The following ASCC3 variants were observed in gnomAD, a reference collection of about 807,000 sequenced individuals.
ASCC3 encodes ASC-1 complex subunit P200.
ASCC3 carries 158 observed loss-of-function variants against 256.3 expected under a neutral mutation model. The ratio of observed to expected loss-of-function variants is 0.62; its 90% CI spans 0.54 to 0.70. The LOEUF (loss-of-function observed/expected upper bound fraction) is 0.70. Ranked by LOEUF, ASCC3 falls within the 30% of genes least tolerant of loss-of-function variation. The pLI is 0.00. For missense variants in ASCC3, 2,259 were observed against 2,626.0 expected (o/e 0.86, Z 3.05); for synonymous variants, 948 against 883.4 (o/e 1.07, Z -1.30).
intron 3 of ASCC3, chr6:100,858,557 C>T: frequency 5.1e-6 from 5 of 981,640 alleles, no homozygotes; most frequent in Non-Finnish European, 6.0e-6. Flanking sequence ...TTTTTCTCTA[C>T]TGAATCATGT....
At chr6:100,825,204 A>G (rs1771237926) in intron 4 of ASCC3, among the ~76,000 whole-genome samples, 1 of 151,966 alleles carries the variant, frequency 6.6e-6, no homozygotes, top group Non-Finnish European at 1.5e-5. Flanking sequence ...CATGTGGCCT[A>G]GGACAGTTTT....
chr6:100,509,938 G>C lies in ASCC3; in HGVS notation c.6455C>G (p.Pro2152Arg), dbSNP rs1033872459. Residue 2152 changes from proline to arginine, a missense_variant, in exon 41 of 42, where the codon CCT (proline) becomes CGT (arginine). Pro to Arg is a moderately radical substitution (Grantham distance 103). Coordinates refer to ENST00000369162, the MANE Select transcript of ASCC3 (RefSeq NM_006828.4). ...GTAGTAGGATTCTTCTTACCTTCCA[G>C]GTATTTCAGGGGTATAAAAAGAAAG... The part of the protein sequence containing the change: ...ASLSFYTPEI[P>R]GRYIYTLYFM... 1.2e-6 allele frequency: 2 copies of C among 1,612,816 alleles called. No homozygotes were observed. Among genetic ancestry groups the C allele is most frequent in the Admixed American group, 1.7e-5 (1 of 59,964 alleles).
intron 4 of ASCC3, among the ~76,000 whole-genome samples, chr6:100,832,933 T>C (rs1771691762): frequency 6.6e-6 from 1 of 151,712 alleles, no homozygotes; most frequent in Admixed American, 6.6e-5. Flanking sequence ...ATGAGAAAAG[T>C]GTTCACAAAT....
intron 13 of ASCC3, among the ~76,000 whole-genome samples, chr6:100,697,823 A>C (rs994936618): frequency 2.0e-5 from 3 of 152,136 alleles, no homozygotes; most frequent in Admixed American, 2.0e-4. Context: ...ATGAAAATTT[A>C]AATCTATCTT....
chr6:100,597,309 A>G (rs182773139), intron 34 of ASCC3, among the ~76,000 whole-genome samples: 201 of 152,332 alleles, frequency 1.3e-3, no homozygotes, highest in African/African-American at 4.7e-3. Flanking sequence ...TTACTAATAC[A>G]TCTTCAAAGT....
At chr6:100,607,592 G>GTTTC (rs1271683200) in intron 30 of ASCC3, among the ~76,000 whole-genome samples, 1 of 151,970 alleles carries the variant, frequency 6.6e-6, no homozygotes, top group East Asian at 1.9e-4. Flanking sequence ...CACTAAGCCT[G>GTTTC]TTTCTTTAAC....
At position 100,725,593 on chromosome 6, in the gene ASCC3, C is replaced by T. The variant is rs1387058242; in HGVS notation, c.1848G>A (p.Leu616=). ...RLLILDEVHL[L]HEDRGPVLES... ...CTAATACTGGTCCTCTATCTTCATG[C>T]AGCAAATGAACTTCATCAAGAATAA... The change falls in exon 11 of 42, where the codon CTG becomes CTA. Residue 616 remains leucine (L), a synonymous_variant. Coordinates refer to ENST00000369162, the MANE Select transcript of ASCC3 (RefSeq NM_006828.4). The T allele has an allele frequency of 6.2e-7, 1 of 1,612,822 alleles. No homozygotes were observed. Among genetic ancestry groups the T allele is most frequent in the Non-Finnish European group, 8.5e-7 (1 of 1,179,166 alleles).
At chr6:100,523,538 G>C (rs1774409760) in intron 37 of ASCC3, among the ~76,000 whole-genome samples, 1 of 152,136 alleles carries the variant, frequency 6.6e-6, no homozygotes, top group African/African-American at 2.4e-5. Context: ...CTCCTCTAGA[G>C]TTTAGAAAAT....
In ASCC3 at chr6:100,510,091, C is replaced by T; in HGVS notation, c.6302G>A (p.Cys2101Tyr). The T allele has an allele frequency of 6.2e-7, 1 of 1,614,152 alleles. No individual in the cohort carries two copies. The highest frequency in any genetic ancestry group is 8.5e-7 in the Non-Finnish European group (1 of 1,180,044). Residue 2101 changes from cysteine to tyrosine, a missense_variant, in exon 41 of 42, where the codon TGT (cysteine) becomes TAT (tyrosine). Physicochemically the swap from Cys to Tyr is radical, Grantham distance 194 (BLOSUM62 -2). This residue lies in a region of ASCC3 where 1,839 missense variants were observed against 2,206.7 expected (regional missense o/e 0.83). Transcript: ENST00000369162. The stretch of plus-strand genomic sequence containing the variant: ...TTTGGGAAATCGAGGAGTAACTGCA[C>T]AGCTCTCTGGCTTTCCCTGTAAACC... ...FGFHKGKPES[C>Y]AVTPRFPKSK...
At chr6:100,557,479 A>C (rs911083569) in intron 36 of ASCC3, among the ~76,000 whole-genome samples, 3 of 152,166 alleles carry the variant, frequency 2.0e-5, no homozygotes, top group Non-Finnish European at 4.4e-5. Flanking sequence ...AAATGAACTC[A>C]TTATAATAAA....
At chr6:100,682,409 T>C (rs1198448021) in intron 13 of ASCC3, among the ~76,000 whole-genome samples, 1 of 151,996 alleles carries the variant, frequency 6.6e-6, no homozygotes, top group Non-Finnish European at 1.5e-5. Context: ...TAAAACAGAG[T>C]TAAAAAATAG....
intron 37 of ASCC3, among the ~76,000 whole-genome samples, chr6:100,523,857 G>C (rs1458923579): frequency 6.6e-6 from 1 of 152,048 alleles, no homozygotes; most frequent in African/African-American, 2.4e-5. Context: ...TTCATATTAA[G>C]TAAATCCCAT....
chr6:100,520,190 T>C (rs956947633), intron 37 of ASCC3, among the ~76,000 whole-genome samples: 6 of 152,136 alleles, frequency 3.9e-5, no homozygotes, highest in African/African-American at 1.2e-4. Flanking sequence ...CCGAAGTGAA[T>C]TGTAAGAAGG....
intron 13 of ASCC3, among the ~76,000 whole-genome samples, chr6:100,684,869 C>T (rs1046410044): frequency 2.6e-4 from 37 of 144,980 alleles, no homozygotes; most frequent in African/African-American, 9.6e-4. Flanking sequence ...TGCAGTGGCG[C>T]GATCTCGGCT....
intron 16 of ASCC3, among the ~76,000 whole-genome samples, chr6:100,656,865 T>C (rs1345695196): frequency 6.6e-6 from 1 of 150,892 alleles, no homozygotes; most frequent in Non-Finnish European, 1.5e-5. Flanking sequence ...TTAACTGAAA[T>C]TGTTTTTAAC....
At chr6:100,705,815 A>G (rs1778553912) in intron 13 of ASCC3, among the ~76,000 whole-genome samples, 1 of 152,012 alleles carries the variant, frequency 6.6e-6, no homozygotes, top group Admixed American at 6.6e-5. Flanking sequence ...ACAGCCCCAC[A>G]AGAAATAACT....
chr6:100,847,984 T>C (rs928304003), intron 4 of ASCC3, 164 bp downstream of exon 4: 1 of 608,316 alleles, frequency 1.6e-6, no homozygotes, highest in East Asian at 2.9e-5. Context: ...AACTATCCAT[T>C]AGGAACGTAT....
At chr6:100,574,883 G>A (rs1212724013) in intron 36 of ASCC3, among the ~76,000 whole-genome samples, 4 of 152,088 alleles carry the variant, frequency 2.6e-5, no homozygotes, top group African/African-American at 9.7e-5. Flanking sequence ...AGTGCAGAAA[G>A]TTAGAAGTTA....
chr6:100,571,779 C>G (rs984339824), intron 36 of ASCC3, among the ~76,000 whole-genome samples: 1 of 152,088 alleles, frequency 6.6e-6, no homozygotes, highest in Non-Finnish European at 1.5e-5. Flanking sequence ...CTTACATGAT[C>G]AGAATTATAA....
Sources: allele counts gnomAD v4.1 joint callset (sites outside exome capture counted in the v4.1 genomes callset), GRCh38; gene constraint gnomAD v4.1.1; regional missense constraint gnomAD v4.1.1; transcripts MANE v1.5; gene names NCBI Gene and HGNC (gene_info 2026-07-23, HGNC 2026-07-21).